TRAPPC9: variants seen among roughly 807,000 people sequenced by gnomAD.
TRAPPC9 encodes IKK2 binding protein.
TRAPPC9 carries 83 observed loss-of-function variants against 124.0 expected under a neutral mutation model. That is an observed-to-expected ratio of 0.67 (90% CI 0.56 to 0.80). The LOEUF is 0.80. Among genes scored for constraint, TRAPPC9 ranks in the 30% least tolerant of loss-of-function variants. The pLI, the probability that TRAPPC9 is intolerant of heterozygous loss-of-function variation, is 0.00. For missense variants in TRAPPC9, 1,302 were observed against 1,508.3 expected (o/e 0.86, Z 2.27); for synonymous variants, 638 against 617.5 (o/e 1.03, Z -0.49).
intron 6 of TRAPPC9, among the ~76,000 whole-genome samples, chr8:140,404,665 C>CGCGTGTATGTGAGCATGTGTGTGT (rs2069407608): frequency 6.6e-6 from 1 of 152,012 alleles, no homozygotes; most frequent in Non-Finnish European, 1.5e-5. Context: ...ATAAGATGTG[C>CGCGTGTATGTGAGCATGTGTGTGT]GCGTGTATGT....
At chr8:140,242,668 A>G (rs2063887325) in intron 16 of TRAPPC9, among the ~76,000 whole-genome samples, 1 of 152,258 alleles carries the variant, frequency 6.6e-6, no homozygotes, top group South Asian at 2.1e-4. Flanking sequence ...AGTCATTACC[A>G]TCATGTTAGA....
chr8:139,834,035 T>C (rs1169667927), intron 21 of TRAPPC9, among the ~76,000 whole-genome samples: 3 of 152,172 alleles, frequency 2.0e-5, no homozygotes, highest in African/African-American at 7.2e-5. Flanking sequence ...GGTAACCATG[T>C]GACACTGGGC....
intron 17 of TRAPPC9, among the ~76,000 whole-genome samples, chr8:140,109,206 G>GC (rs1047299481): frequency 3.3e-5 from 5 of 152,098 alleles, no homozygotes; most frequent in African/African-American, 1.2e-4. Flanking sequence ...ACAAATGGAG[G>GC]CCCCCCTACC....
intron 17 of TRAPPC9, among the ~76,000 whole-genome samples, chr8:140,070,774 T>C (rs1199621433): frequency 6.6e-6 from 1 of 152,154 alleles, no homozygotes; most frequent in African/African-American, 2.4e-5. Flanking sequence ...GAGCCACACA[T>C]GATCAAAGCC....
intron 17 of TRAPPC9, among the ~76,000 whole-genome samples, chr8:140,166,106 GCAACCT>G (rs1174063105): frequency 6.6e-6 from 1 of 152,156 alleles, no homozygotes; most frequent in Admixed American, 6.5e-5. Context: ...AGCTGGAATA[GCAACCT>G]CAGTGCGATA....
intron 19 of TRAPPC9, among the ~76,000 whole-genome samples, chr8:139,968,474 C>T (rs1309838383): frequency 2.0e-5 from 3 of 152,216 alleles, no homozygotes; most frequent in South Asian, 2.1e-4. Flanking sequence ...CAATGGGACT[C>T]GGCCGGCCTT....
chr8:140,326,859 T>TGACA (rs1175846509), intron 9 of TRAPPC9, among the ~76,000 whole-genome samples: 16 of 152,108 alleles, frequency 1.1e-4, no homozygotes, highest in Non-Finnish European at 2.4e-4. Context: ...CCAGCCTTGG[T>TGACA]GACAGAGCGA....
chr8:139,740,082 G>C (rs7817328), intron 21 of TRAPPC9, among the ~76,000 whole-genome samples: 128,887 of 152,232 alleles, frequency 0.85, 54,664 homozygotes, highest in East Asian at 0.89. Flanking sequence ...ACTCTAGGCC[G>C]AGCTACCATG....
chr8:140,266,038 A>G lies in TRAPPC9; in HGVS notation c.2278+9620T>C, dbSNP rs117999500. Among the ~76,000 whole-genome samples, 552 of 152,324 alleles carry G rather than the reference A, an allele frequency of 3.6e-3. 2 individuals carry two copies. The highest frequency in any genetic ancestry group is 6.8e-3 in the Middle Eastern group (2 of 294). On this transcript the variant is annotated intron_variant, in intron 15 of 22. Transcript: ENST00000438773. The stretch of plus-strand genomic sequence containing the variant: ...CTATTTGTATCACACTCATATACAC[A>G]TATCTGTGAACATTTCTGGAAAAGC...
chr8:140,289,174 A>AGTGTGT (rs71320349), intron 12 of TRAPPC9, among the ~76,000 whole-genome samples: 341 of 148,428 alleles, frequency 2.3e-3, no homozygotes, highest in Admixed American at 3.6e-3. Context: ...ATATATATAT[A>AGTGTGT]GTGTGTGTGT....
chr8:140,401,054 G>A (rs1009907539), intron 6 of TRAPPC9, among the ~76,000 whole-genome samples: 2 of 152,198 alleles, frequency 1.3e-5, no homozygotes, highest in African/African-American at 2.4e-5. Context: ...CAGAGGTTGG[G>A]AGGAAAAACA....
chr8:140,209,439 C>A (rs2063004564), intron 17 of TRAPPC9, among the ~76,000 whole-genome samples: 2 of 152,222 alleles, frequency 1.3e-5, no homozygotes, highest in African/African-American at 4.8e-5. Context: ...GGCCGTCCCC[C>A]TTCTCTGTCC....
chr8:139,815,379 C>T (rs1398264974), intron 21 of TRAPPC9, among the ~76,000 whole-genome samples: 2 of 150,138 alleles, frequency 1.3e-5, no homozygotes, highest in East Asian at 3.9e-4. Flanking sequence ...ACCACAACTA[C>T]TCAGCATTCA....
rs1817666834 is a variant in TRAPPC9 at position 139,728,618 on chromosome 8, A to G, written c.*2443T>C. Among the ~76,000 whole-genome samples the G allele has an allele frequency of 6.6e-6, 1 of 152,172 alleles. No homozygotes were observed. The highest frequency in any genetic ancestry group is 2.1e-4 in the South Asian group (1 of 4,832). On this transcript the variant is annotated 3_prime_UTR_variant, in exon 23 of 23. Coordinates refer to ENST00000438773, the MANE Select transcript of TRAPPC9 (RefSeq NM_001160372.4). ...CCTGGCTCCCCACATCCCACGGTAA[A>G]GCTCCAAACGCTTGGAGCACACACA... is the stretch of plus-strand genomic sequence containing the variant.
chr8:140,002,372 T>C lies in TRAPPC9; in HGVS notation c.2700-13536A>G, dbSNP rs182527666. Among the ~76,000 whole-genome samples, 183 of 152,214 alleles carry C rather than the reference T, an allele frequency of 1.2e-3. 1 individual carries two copies. The highest frequency in any genetic ancestry group is 4.2e-3 in the African/African-American group (174 of 41,562). ...GCAGTGCTCAGATTGGAAGGTGCAA[T>C]ATACTTATCCATTTTTCCCAAGTTA... On this transcript the variant is annotated intron_variant, in intron 18 of 22. Transcript: ENST00000438773.
intron 17 of TRAPPC9, among the ~76,000 whole-genome samples, chr8:140,194,349 C>G (rs1194930576): frequency 2.6e-5 from 4 of 152,070 alleles, no homozygotes; most frequent in Non-Finnish European, 4.4e-5. Flanking sequence ...TAAAATAGCA[C>G]ATCTGTATAT....
rs897281576 is a variant in TRAPPC9 at position 139,776,390 on chromosome 8, G to A, written c.3056-44188C>T. 5.3e-5 allele frequency among the ~76,000 whole-genome samples: 8 copies of A among 152,248 alleles called. No individual in the cohort carries two copies. The highest frequency in any genetic ancestry group is 1.4e-4 in the African/African-American group (6 of 41,466). ...ATCGGTTTGTCCTCCGTGACCCAAA[G>A]AGAGGTCACAACGAATTGGGAAGGA... On this transcript the variant is annotated intron_variant, in intron 21 of 22. Coordinates refer to ENST00000438773, the MANE Select transcript of TRAPPC9 (RefSeq NM_001160372.4). The surrounding 1 kb of genome is among the most constrained non-coding windows in gnomAD (Gnocchi z 4.1).
chr8:139,865,620 G>C (rs1041810632), intron 21 of TRAPPC9, among the ~76,000 whole-genome samples: 2 of 152,178 alleles, frequency 1.3e-5, no homozygotes, highest in Admixed American at 1.3e-4. Flanking sequence ...CGGCAGGGAA[G>C]GGAATGTCAC....
intron 17 of TRAPPC9, among the ~76,000 whole-genome samples, chr8:140,152,974 TG>T (rs2061571395): frequency 6.6e-6 from 1 of 152,202 alleles, no homozygotes; most frequent in Admixed American, 6.5e-5. Flanking sequence ...GGGAACCCTT[TG>T]TTTTTTACCA....
Sources: allele counts gnomAD v4.1 joint callset (sites outside exome capture counted in the v4.1 genomes callset), GRCh38; gene constraint gnomAD v4.1.1; non-coding constraint Gnocchi (gnomAD v3.1); transcripts MANE v1.5; gene names NCBI Gene and HGNC (gene_info 2026-07-23, HGNC 2026-07-21).